The following CFAP206 variants were observed in gnomAD, a reference collection of about 807,000 sequenced individuals.
The protein encoded by CFAP206 is cilia- and flagella-associated protein 206.
In CFAP206, 53 loss-of-function variants were observed where a neutral mutation model predicts 65.4. That is an observed-to-expected ratio of 0.81 (90% CI 0.65 to 1.02). The LOEUF is 1.02. CFAP206 is among the 50% of genes least tolerant of loss of function. The pLI is 0.00. For missense variants in CFAP206, 663 were observed against 753.2 expected (o/e 0.88, Z 1.40); for synonymous variants, 250 against 254.4 (o/e 0.98, Z 0.17).
At chr6:87,439,493 A>C (rs1768329576) in intron 11 of CFAP206, among the ~76,000 whole-genome samples, 1 of 152,024 alleles carries the variant, frequency 6.6e-6, no homozygotes, top group African/African-American at 2.4e-5. Flanking sequence ...TTTTGAAGAT[A>C]TGTTTTCTTA....
chr6:87,455,213 C>T (rs1472111988), intron 11 of CFAP206, among the ~76,000 whole-genome samples: 3 of 152,150 alleles, frequency 2.0e-5, no homozygotes, highest in African/African-American at 4.8e-5. Flanking sequence ...TGAGCCACCA[C>T]ACCCAGACTG....
At chr6:87,463,899 A>G (rs1409022958) in intron 12 of CFAP206, 121 bp from the exon 13 acceptor site, 4 of 637,520 alleles carry the variant, frequency 6.3e-6, no homozygotes, top group Non-Finnish European at 7.6e-6. Context: ...ATGCTATGTT[A>G]TGGAATTAAT....
intron 11 of CFAP206, among the ~76,000 whole-genome samples, chr6:87,451,317 T>G (rs1422969469): frequency 2.6e-5 from 4 of 152,176 alleles, no homozygotes; most frequent in Non-Finnish European, 5.9e-5. Flanking sequence ...GTCTTGCAAT[T>G]TGGATACCAG....
intron 7 of CFAP206, among the ~76,000 whole-genome samples, chr6:87,423,779 T>C (rs1483007588): frequency 6.6e-6 from 1 of 151,994 alleles, no homozygotes; most frequent in Non-Finnish European, 1.5e-5. Flanking sequence ...TAATAGATAA[T>C]AGTGTATGGA....
Position 87,461,158 on chromosome 6 carries a change from T to C in CFAP206, c.1631T>C (p.Ile544Thr), listed in dbSNP as rs1217332070. The part of the protein sequence containing the change: ...WNEWELRRKA[I>T]KLANLRQKVT... The stretch of plus-strand genomic sequence containing the variant: ...GAATGGGAATTAAGAAGAAAAGCTA[T>C]AAAATTGGTTTGTAACAATACTTTC... Residue 544 changes from isoleucine to threonine, a missense_variant, in exon 12 of 13, where the codon ATA (isoleucine) becomes ACA (threonine). Ile to Thr is a moderately conservative substitution (Grantham distance 89). Coordinates refer to ENST00000369562, the MANE Select transcript of CFAP206 (RefSeq NM_001031743.3). 1.3e-6 allele frequency: 2 copies of C among 1,553,926 alleles called. No individual in the cohort carries two copies. Among genetic ancestry groups the C allele is most frequent in the Non-Finnish European group, 1.7e-6 (2 of 1,158,398 alleles).
chr6:87,458,134 C>A (rs1270894937), intron 11 of CFAP206, among the ~76,000 whole-genome samples: 1 of 152,060 alleles, frequency 6.6e-6, no homozygotes, highest in Admixed American at 6.5e-5. Flanking sequence ...TCATCCCACC[C>A]CAGTTAAAAT....
chr6:87,443,302 G>A (rs1768386504), intron 11 of CFAP206, among the ~76,000 whole-genome samples: 1 of 151,982 alleles, frequency 6.6e-6, no homozygotes, highest in Non-Finnish European at 1.5e-5. Context: ...ATCTTATGCT[G>A]TCTTTTAAAC....
At chr6:87,448,191 T>C (rs1012129774) in intron 11 of CFAP206, among the ~76,000 whole-genome samples, 2 of 151,950 alleles carry the variant, frequency 1.3e-5, no homozygotes, top group African/African-American at 2.4e-5. Context: ...CACTTATGAG[T>C]GAGATCATGC....
intron 7 of CFAP206, among the ~76,000 whole-genome samples, chr6:87,424,987 A>G (rs143460647): frequency 6.4e-4 from 98 of 152,364 alleles, no homozygotes; most frequent in African/African-American, 2.2e-3. Flanking sequence ...AGTACTTAGA[A>G]ATATGTTAAT....
chr6:87,430,948 T>C (rs2127951933), intron 9 of CFAP206, 85 bp from the exon 10 acceptor site: 1 of 1,252,100 alleles, frequency 8.0e-7, no homozygotes, highest in Non-Finnish European at 1.1e-6. Context: ...AAAAAGGTAA[T>C]GTTTAGAATG....
chr6:87,462,805 C>T (rs1458677237), intron 12 of CFAP206, among the ~76,000 whole-genome samples: 1 of 152,178 alleles, frequency 6.6e-6, no homozygotes, highest in Non-Finnish European at 1.5e-5. Context: ...TGACTCTCAC[C>T]TTGGGCCTTA....
intron 4 of CFAP206, 54 bp downstream of exon 4, chr6:87,413,954 T>A: frequency 2.5e-6 from 2 of 803,940 alleles, no homozygotes; most frequent in Non-Finnish European, 3.7e-6. Context: ...GTGTTTCAGC[T>A]AAGAAGGGCT....
chr6:87,416,008 A>C, intron 5 of CFAP206, 134 bp downstream of exon 5: 4 of 646,830 alleles, frequency 6.2e-6, no homozygotes, highest in South Asian at 3.3e-5. Context: ...ATCAGCACAA[A>C]TGAGTTAAAA....
rs147177274 is a variant in CFAP206 at position 87,462,167 on chromosome 6, C to T, written c.1638+1002C>T. ...CTGGCTTCCCTGACTGGTTGATGTA[C>T]AGGCTGCAAGTCAAAGAGTTCTATT... On this transcript the variant is annotated intron_variant, in intron 12 of 12. Coordinates refer to ENST00000369562, the MANE Select transcript of CFAP206 (RefSeq NM_001031743.3). Among the ~76,000 whole-genome samples the T allele has an allele frequency of 3.0e-3, 455 of 152,312 alleles. 7 individuals are homozygous for T. Among genetic ancestry groups the T allele is most frequent in the South Asian group, 0.025 (120 of 4,824 alleles).
intron 3 of CFAP206, among the ~76,000 whole-genome samples, chr6:87,413,221 C>T (rs1767767342): frequency 6.6e-6 from 1 of 152,150 alleles, no homozygotes; most frequent in Admixed American, 6.5e-5. Flanking sequence ...ATGGAATCAA[C>T]CTAAGTGTCC....
intron 11 of CFAP206, chr6:87,444,476 T>C (rs1768411879): frequency 4.5e-6 from 1 of 223,588 alleles, no homozygotes; most frequent in South Asian, 7.7e-5. Flanking sequence ...TTGACATACT[T>C]GCTGGGTTGT....
At chr6:87,431,773 CAAAA>C (rs1267595869) in intron 10 of CFAP206, among the ~76,000 whole-genome samples, 2 of 152,054 alleles carry the variant, frequency 1.3e-5, no homozygotes, top group Non-Finnish European at 1.5e-5. Flanking sequence ...AAAAATAAAA[CAAAA>C]GAAATGTTAC....
At chr6:87,450,635 T>C (rs977292959) in intron 11 of CFAP206, among the ~76,000 whole-genome samples, 1 of 149,760 alleles carries the variant, frequency 6.7e-6, no homozygotes, top group African/African-American at 2.5e-5. Flanking sequence ...CAGAGCAAGA[T>C]GGCAGAATAG....
chr6:87,413,680 T>A, intron 3 of CFAP206, 130 bp from the exon 4 acceptor site: 1 of 574,530 alleles, frequency 1.7e-6, no homozygotes, highest in Non-Finnish European at 3.0e-6. Context: ...AAAAAAAAAA[T>A]AAAAGGGGTT....
Sources: gnomAD v4.1 joint callset for allele counts (sites outside exome capture counted in the v4.1 genomes callset) on GRCh38, gnomAD v4.1.1 for gene constraint, MANE v1.5 for transcripts, NCBI Gene and HGNC (gene_info 2026-07-23, HGNC 2026-07-21) for gene names.